RPS6KC1: variants seen among roughly 807,000 people sequenced by gnomAD.
RPS6KC1 encodes ribosomal protein S6 kinase C1, also known as inactive ribosomal protein S6 kinase delta-1.
In RPS6KC1, 54 loss-of-function variants were observed where a neutral mutation model predicts 103.8. The ratio of observed to expected loss-of-function variants is 0.52; its 90% CI spans 0.42 to 0.65. RPS6KC1 has a LOEUF of 0.65. Ranked by LOEUF, RPS6KC1 falls within the 30% of genes least tolerant of loss-of-function variation. The pLI is 0.00. For missense variants in RPS6KC1, 1,151 were observed against 1,253.8 expected (o/e 0.92, Z 1.24); for synonymous variants, 439 against 438.7 (o/e 1.00, Z -0.01).
At chr1:213,193,263 T>G (rs1364246298) in intron 8 of RPS6KC1, among the ~76,000 whole-genome samples, 2 of 152,128 alleles carry the variant, frequency 1.3e-5, no homozygotes, top group Non-Finnish European at 2.9e-5. Context: ...TTGATTTTCT[T>G]TTTTCTTTTT....
chr1:213,095,724 G>A (rs2081388223), intron 3 of RPS6KC1, among the ~76,000 whole-genome samples: 1 of 152,182 alleles, frequency 6.6e-6, no homozygotes, highest in African/African-American at 2.4e-5. Context: ...TAAAAGTTGT[G>A]TTTATACTGT....
At chr1:213,808,159 G>A in the RPS6KC1 span, among the ~76,000 whole-genome samples, 27 of 150,502 alleles carry the variant, frequency 1.8e-4, no homozygotes, top group African/African-American at 5.0e-4. Context: ...AGGAGTACCC[G>A]GCTGTGTGAG....
the RPS6KC1 span, among the ~76,000 whole-genome samples, chr1:213,295,942 C>G: frequency 6.6e-6 from 1 of 152,126 alleles, no homozygotes; most frequent in East Asian, 1.9e-4. Flanking sequence ...TTAGATCATC[C>G]AGGTTTTTAT....
the RPS6KC1 span, chr1:213,818,148 T>C: frequency 6.6e-6 from 1 of 152,174 alleles, no homozygotes; most frequent in Non-Finnish European, 1.5e-5. Context: ...CACAATAATA[T>C]TGAATTAGGC....
the RPS6KC1 span, among the ~76,000 whole-genome samples, chr1:213,823,749 C>CACACACACACACACACAT: frequency 6.6e-6 from 1 of 151,756 alleles, no homozygotes; most frequent in South Asian, 2.1e-4. Flanking sequence ...CACACACACA[C>CACACACACACACACACAT]ACACCACACC....
the RPS6KC1 span, among the ~76,000 whole-genome samples, chr1:213,806,296 T>A: frequency 6.6e-6 from 1 of 152,012 alleles, no homozygotes; most frequent in Non-Finnish European, 1.5e-5. Context: ...CGCACCACTG[T>A]ACTCCAGCCT....
chr1:213,068,256 C>T (rs538200629), intron 1 of RPS6KC1, among the ~76,000 whole-genome samples: 8 of 151,920 alleles, frequency 5.3e-5, no homozygotes, highest in South Asian at 4.2e-4. Context: ...GAGGCTGAGA[C>T]GGGCAGATCA....
chr1:213,618,794 A>T, the RPS6KC1 span, among the ~76,000 whole-genome samples: 7 of 152,280 alleles, frequency 4.6e-5, no homozygotes, highest in East Asian at 9.7e-4. Context: ...CTAAAATTTA[A>T]TTTTTCCATA....
the RPS6KC1 span, among the ~76,000 whole-genome samples, chr1:213,413,194 T>C: frequency 3.7e-3 from 564 of 152,354 alleles, 24 homozygotes; most frequent in Admixed American, 0.035. Context: ...GATAGAAGTA[T>C]ACATGTAATG....
chr1:213,399,648 G>T, the RPS6KC1 span, among the ~76,000 whole-genome samples: 1 of 152,010 alleles, frequency 6.6e-6, no homozygotes, highest in Non-Finnish European at 1.5e-5. Flanking sequence ...GCATGAAGCC[G>T]CCCACCCTCT....
the RPS6KC1 span, among the ~76,000 whole-genome samples, chr1:213,601,369 A>G: frequency 6.8e-6 from 1 of 147,894 alleles, no homozygotes; most frequent in African/African-American, 2.4e-5. Flanking sequence ...ATTTATAAAC[A>G]TATTTAAATA....
At chr1:213,384,797 G>A in the RPS6KC1 span, among the ~76,000 whole-genome samples, 12 of 152,156 alleles carry the variant, frequency 7.9e-5, no homozygotes, top group African/African-American at 2.4e-4. Flanking sequence ...CACTCAGTTC[G>A]CACAACTACC....
At chr1:213,372,412 T>C in the RPS6KC1 span, among the ~76,000 whole-genome samples, 1 of 152,184 alleles carries the variant, frequency 6.6e-6, no homozygotes, top group Non-Finnish European at 1.5e-5. Flanking sequence ...GGCCCTTTGG[T>C]CCTGCACATA....
chr1:213,589,938 G>GGGGGGTGTGTGTGTGTGT, the RPS6KC1 span, among the ~76,000 whole-genome samples: 34 of 132,820 alleles, frequency 2.6e-4, no homozygotes, highest in African/African-American at 1.0e-3. Flanking sequence ...AAAAGGTAGT[G>GGGGGGTGTGTGTGTGTGT]GTGTGTGTGT....
chr1:213,107,396 G>T (rs1338832064), intron 4 of RPS6KC1, among the ~76,000 whole-genome samples: 2 of 152,230 alleles, frequency 1.3e-5, no homozygotes, highest in African/African-American at 4.8e-5. Context: ...CACAATATAT[G>T]TAGCGTTTTG....
At chr1:213,380,541 CCAGACACA>C in the RPS6KC1 span, among the ~76,000 whole-genome samples, 6,912 of 152,092 alleles carry the variant, frequency 0.045, 507 homozygotes, top group African/African-American at 0.16. Flanking sequence ...AGTGCCCTCA[CCAGACACA>C]CAGACACACA....
chr1:213,508,150 G>T, the RPS6KC1 span, among the ~76,000 whole-genome samples: 3 of 152,084 alleles, frequency 2.0e-5, no homozygotes, highest in Admixed American at 6.6e-5. Flanking sequence ...CATTAAGAGG[G>T]AAATCTATTA....
At chr1:213,655,651 C>T in the RPS6KC1 span, among the ~76,000 whole-genome samples, 1 of 152,092 alleles carries the variant, frequency 6.6e-6, no homozygotes, top group African/African-American at 2.4e-5. Context: ...ATAACAGAAA[C>T]TAAAAGGTCT....
At chr1:213,076,078 T>C (rs906876826) in intron 2 of RPS6KC1, among the ~76,000 whole-genome samples, 1 of 152,340 alleles carries the variant, frequency 6.6e-6, no homozygotes, top group Admixed American at 6.5e-5. Flanking sequence ...GGACCTGTAT[T>C]TCCCTTCTCT....
Sources: gnomAD v4.1 joint callset for allele counts (sites outside exome capture counted in the v4.1 genomes callset) on GRCh38, gnomAD v4.1.1 for gene constraint, MANE v1.5 for transcripts, NCBI Gene and HGNC (gene_info 2026-07-23, HGNC 2026-07-21) for gene names.